The following LINGO2 variants were observed in gnomAD, a reference collection of about 807,000 sequenced individuals.
The protein encoded by LINGO2 is leucine-rich repeat and immunoglobulin-like domain-containing nogo receptor-interacting protein 2.
LINGO2 carries 14 observed loss-of-function variants against 30.6 expected under a neutral mutation model. That is an observed-to-expected ratio of 0.46 (90% confidence interval 0.30 to 0.72). The LOEUF (loss-of-function observed/expected upper bound fraction) is 0.72, where lower values mean the gene tolerates loss of function less well. Among genes scored for constraint, LINGO2 ranks in the 30% least tolerant of loss-of-function variants. The probability of loss-of-function intolerance (pLI) is 0.07; values close to 1 mark genes in which losing one functional copy is unlikely to be tolerated. For missense variants in LINGO2, 729 were observed against 751.7 expected (o/e 0.97, Z 0.35); for synonymous variants, 317 against 288.5 (o/e 1.10, Z -1.00).
At chr9:28,110,261 C>A (rs543423985) in intron 4 of LINGO2, among the ~76,000 whole-genome samples, 1 of 152,114 alleles carries the variant, frequency 6.6e-6, no homozygotes, top group East Asian at 1.9e-4. Flanking sequence ...GTATTAAAGA[C>A]TTCAATGTAA....
chr9:28,397,835 C>T (rs552463999), intron 2 of LINGO2, among the ~76,000 whole-genome samples: 3 of 152,248 alleles, frequency 2.0e-5, no homozygotes, highest in South Asian at 4.1e-4. Context: ...GCGTGAGCCA[C>T]CATACCCGGC....
chr9:28,560,082 A>G (rs773356600), intron 1 of LINGO2, among the ~76,000 whole-genome samples: 2 of 85,978 alleles, frequency 2.3e-5, no homozygotes, highest in East Asian at 3.4e-4. Context: ...ATTTAGGAGG[A>G]AAAAAAAAAA....
the LINGO2 span, among the ~76,000 whole-genome samples, chr9:28,771,790 T>G: frequency 6.6e-6 from 1 of 152,296 alleles, no homozygotes; most frequent in Admixed American, 6.5e-5. Context: ...TTATCATTAC[T>G]ATTAGATTTG....
At chr9:28,913,445 G>A in the LINGO2 span, among the ~76,000 whole-genome samples, 6 of 151,996 alleles carry the variant, frequency 3.9e-5, no homozygotes, top group Non-Finnish European at 8.8e-5. Flanking sequence ...TAGTACTGTT[G>A]CATGATATGT....
At chr9:28,553,950 A>G (rs1398169992) in intron 1 of LINGO2, among the ~76,000 whole-genome samples, 1 of 152,054 alleles carries the variant, frequency 6.6e-6, no homozygotes, top group East Asian at 1.9e-4. Flanking sequence ...GCAAATGCTG[A>G]GAGATTTTGT....
intron 4 of LINGO2, among the ~76,000 whole-genome samples, chr9:28,013,820 C>A (rs917288475): frequency 4.6e-5 from 7 of 152,114 alleles, no homozygotes; most frequent in Admixed American, 4.6e-4. Flanking sequence ...ATCCTCTTAG[C>A]ACATGAAATT....
intron 1 of LINGO2, among the ~76,000 whole-genome samples, chr9:28,550,324 G>A (rs997294275): frequency 6.6e-6 from 1 of 151,538 alleles, no homozygotes; most frequent in Non-Finnish European, 1.5e-5. Flanking sequence ...TGTTGGTGCT[G>A]CATCCTTTAT....
At chr9:28,001,861 T>G (rs1189672097) in intron 5 of LINGO2, among the ~76,000 whole-genome samples, 2 of 152,176 alleles carry the variant, frequency 1.3e-5, no homozygotes, top group African/African-American at 2.4e-5. Context: ...TCTAAGAAGA[T>G]CTACTCCAAG....
At chr9:28,376,259 A>AAGAAGAGAAG (rs143601464) in intron 2 of LINGO2, among the ~76,000 whole-genome samples, 21 of 148,602 alleles carry the variant, frequency 1.4e-4, no homozygotes, top group Admixed American at 1.2e-3. Context: ...AGGAGAAGAG[A>AAGAAGAGAAG]AGAAGAGAAG....
chr9:28,681,163 T>C, the LINGO2 span, among the ~76,000 whole-genome samples: 1 of 151,888 alleles, frequency 6.6e-6, no homozygotes, highest in Admixed American at 6.6e-5. Context: ...ATGCAGTTAG[T>C]TCCCTGGAAA....
the LINGO2 span, among the ~76,000 whole-genome samples, chr9:29,104,851 T>C: frequency 1.3e-5 from 2 of 152,168 alleles, no homozygotes; most frequent in Non-Finnish European, 1.5e-5. Context: ...CACGAATATA[T>C]TGAAAGCAAT....
the LINGO2 span, among the ~76,000 whole-genome samples, chr9:28,821,810 G>C: frequency 6.6e-6 from 1 of 152,154 alleles, no homozygotes; most frequent in Non-Finnish European, 1.5e-5. Context: ...ATGAAGTATA[G>C]AGGATACGGG....
At chr9:28,014,844 A>G (rs1563913566) in intron 4 of LINGO2, among the ~76,000 whole-genome samples, 1 of 152,164 alleles carries the variant, frequency 6.6e-6, no homozygotes, top group African/African-American at 2.4e-5. Context: ...AGTGACTACT[A>G]CCTCATGCAA....
intron 4 of LINGO2, among the ~76,000 whole-genome samples, chr9:28,032,335 C>A (rs1823720152): frequency 6.6e-6 from 1 of 152,164 alleles, no homozygotes; most frequent in Non-Finnish European, 1.5e-5. Flanking sequence ...CTGCCCAGCA[C>A]CCCACCTCAG....
chr9:29,183,637 G>C, the LINGO2 span, among the ~76,000 whole-genome samples: 4 of 152,116 alleles, frequency 2.6e-5, no homozygotes, highest in Non-Finnish European at 5.9e-5. Context: ...GCCTTAACCA[G>C]TAGGCACTCA....
chr9:28,422,871 C>T lies in LINGO2; in HGVS notation c.-278-50003G>A, dbSNP rs10968584. 3.4e-3 allele frequency among the ~76,000 whole-genome samples: 512 copies of T among 152,096 alleles called. 14 individuals are homozygous for T. The East Asian group carries it at 0.086, about 26-fold the overall frequency. The stretch of plus-strand genomic sequence containing the variant: ...AAAAGGAAGGAAATTCTGACATGTG[C>T]TATAACGTGGATAAACTTTGAAGAC... On this transcript the variant is annotated intron_variant, in intron 2 of 5. Coordinates refer to ENST00000379992, the Ensembl canonical transcript of LINGO2.
At chr9:28,572,039 T>C (rs531455367) in intron 1 of LINGO2, among the ~76,000 whole-genome samples, 1 of 152,026 alleles carries the variant, frequency 6.6e-6, no homozygotes, top group African/African-American at 2.4e-5. Context: ...ATGAAAAATA[T>C]GAATGATAGA....
the LINGO2 span, among the ~76,000 whole-genome samples, chr9:28,883,673 GT>G: frequency 5.2e-4 from 29 of 55,494 alleles, no homozygotes; most frequent in African/African-American, 1.8e-3. Context: ...TATATATTTG[GT>G]TTTTTTGTTT....
At chr9:28,813,751 GAA>G in the LINGO2 span, among the ~76,000 whole-genome samples, 3 of 152,096 alleles carry the variant, frequency 2.0e-5, no homozygotes, top group African/African-American at 7.2e-5. Flanking sequence ...TATAATAATT[GAA>G]ACAGTCTACT....
Sources: allele counts gnomAD v4.1 joint callset (sites outside exome capture counted in the v4.1 genomes callset), GRCh38; gene constraint gnomAD v4.1.1; transcripts MANE v1.5; gene names NCBI Gene and HGNC (gene_info 2026-07-23, HGNC 2026-07-21).